The following FRMD4A variants were observed in gnomAD, a reference collection of about 807,000 sequenced individuals.
The protein encoded by FRMD4A is FERM domain containing 4A.
FRMD4A carries 29 observed loss-of-function variants against 129.1 expected under a neutral mutation model. That is an observed-to-expected ratio of 0.22 (90% CI 0.17 to 0.31). FRMD4A has a LOEUF of 0.31. FRMD4A is among the 10% of genes least tolerant of loss of function. The pLI is 1.00. For missense variants in FRMD4A, 1,272 were observed against 1,375.8 expected, an observed-to-expected ratio of 0.92 and a Z score of 1.19; for synonymous variants, 634 against 571.6, an observed-to-expected ratio of 1.11 and a Z score of -1.56.
chr10:13,768,260 G>T (rs995059219), intron 6 of FRMD4A, among the ~76,000 whole-genome samples: 1 of 152,108 alleles, frequency 6.6e-6, no homozygotes, highest in Non-Finnish European at 1.5e-5. Flanking sequence ...CCATCTGAGG[G>T]TCTCCAAGTG....
chr10:14,190,100 C>G (rs74706763), intron 2 of FRMD4A, among the ~76,000 whole-genome samples: 1,727 of 152,258 alleles, frequency 0.011, 32 homozygotes, highest in African/African-American at 0.039. Context: ...TAGACACTAC[C>G]CTTTGACTAA....
chr10:14,162,520 C>G (rs150760588), intron 2 of FRMD4A, among the ~76,000 whole-genome samples: 1 of 151,996 alleles, frequency 6.6e-6, no homozygotes, highest in Non-Finnish European at 1.5e-5. Flanking sequence ...AGGAGGAACA[C>G]GGGGTCTGAT....
chr10:13,787,550 T>A (rs528842080), intron 5 of FRMD4A, among the ~76,000 whole-genome samples: 2 of 152,258 alleles, frequency 1.3e-5, no homozygotes, highest in South Asian at 4.1e-4. Flanking sequence ...AGCCTCGACC[T>A]CCTGGGATCA....
At chr10:13,928,278 T>C (rs1044563408) in intron 2 of FRMD4A, among the ~76,000 whole-genome samples, 1 of 152,106 alleles carries the variant, frequency 6.6e-6, no homozygotes, top group African/African-American at 2.4e-5. Context: ...CACCTCGGTC[T>C]CCCAAAGTGC....
chr10:13,948,063 A>C (rs1001141574), intron 2 of FRMD4A, among the ~76,000 whole-genome samples: 3 of 152,094 alleles, frequency 2.0e-5, no homozygotes, highest in African/African-American at 7.2e-5. Context: ...TGAAAAAAAA[A>C]AAAACACCTT....
At chr10:13,765,694 C>T (rs1051241707) in intron 6 of FRMD4A, among the ~76,000 whole-genome samples, 41 of 152,164 alleles carry the variant, frequency 2.7e-4, no homozygotes, top group Non-Finnish European at 1.0e-4. Flanking sequence ...TTGATAGAGG[C>T]TGTCGGTGCT....
At chr10:14,121,426 T>C (rs1838509656) in intron 2 of FRMD4A, among the ~76,000 whole-genome samples, 1 of 152,152 alleles carries the variant, frequency 6.6e-6, no homozygotes, top group African/African-American at 2.4e-5. Context: ...TCTGATTCAG[T>C]GGGCCCAAAA....
intron 2 of FRMD4A, among the ~76,000 whole-genome samples, chr10:13,954,268 T>C (rs939481275): frequency 2.0e-5 from 3 of 152,172 alleles, no homozygotes; most frequent in African/African-American, 4.8e-5. Flanking sequence ...GACTGAGTAA[T>C]TTATAAAGAA....
chr10:14,127,621 C>T (rs940967671), intron 2 of FRMD4A, among the ~76,000 whole-genome samples: 1 of 152,182 alleles, frequency 6.6e-6, no homozygotes, highest in Non-Finnish European at 1.5e-5. Context: ...TGCCTGTGCC[C>T]GTAAGACCCT....
At position 13,682,888 on chromosome 10, in the gene FRMD4A, T is replaced by G. The variant is rs117614650; in HGVS notation, c.1118-7844A>C. ...ACTCTGCTATTCTGTCTTCTGCCTC[T>G]TGCATAAAAACTCAACACGGGTAGG... On this transcript the variant is annotated intron_variant, in intron 15 of 24. Transcript: ENST00000357447. Among the ~76,000 whole-genome samples the G allele has an allele frequency of 7.0e-3, 1,069 of 152,274 alleles. 5 individuals are homozygous for G. Among genetic ancestry groups the G allele is most frequent in the Non-Finnish European group, 0.011 (746 of 68,006 alleles).
chr10:13,788,783 G>C (rs545014991), intron 5 of FRMD4A, among the ~76,000 whole-genome samples: 77 of 152,192 alleles, frequency 5.1e-4, no homozygotes, highest in Middle Eastern at 3.4e-3. Flanking sequence ...TTATGTGTTT[G>C]AGCTTATTAA....
intron 2 of FRMD4A, among the ~76,000 whole-genome samples, chr10:14,084,212 T>C (rs1836111073): frequency 6.6e-6 from 1 of 152,182 alleles, no homozygotes; most frequent in Non-Finnish European, 1.5e-5. Flanking sequence ...AGTGGCATGA[T>C]CTTGGCTCAC....
intron 2 of FRMD4A, among the ~76,000 whole-genome samples, chr10:14,022,797 T>C (rs910322854): frequency 4.6e-5 from 7 of 151,946 alleles, no homozygotes; most frequent in Non-Finnish European, 8.8e-5. Context: ...CAAGGTGGAG[T>C]GCATCTTGGA....
intron 3 of FRMD4A, among the ~76,000 whole-genome samples, chr10:13,846,302 A>G (rs1023607115): frequency 6.6e-6 from 1 of 152,318 alleles, no homozygotes; most frequent in Middle Eastern, 3.4e-3. Flanking sequence ...CAACTAATAC[A>G]TTGAACTTTT....
intron 6 of FRMD4A, among the ~76,000 whole-genome samples, chr10:13,766,361 ATC>A (rs1420144320): frequency 1.3e-5 from 2 of 152,216 alleles, no homozygotes; most frequent in Non-Finnish European, 2.9e-5. Flanking sequence ...GACCTTGACT[ATC>A]TATCTCCCAG....
At chr10:14,284,656 C>G (rs1022201589) in intron 2 of FRMD4A, among the ~76,000 whole-genome samples, 1 of 152,054 alleles carries the variant, frequency 6.6e-6, no homozygotes, top group Non-Finnish European at 1.5e-5. Context: ...CCGTCTCAAA[C>G]AAACAAACAA....
intron 2 of FRMD4A, among the ~76,000 whole-genome samples, chr10:13,996,508 T>G (rs1236264370): frequency 6.6e-6 from 1 of 152,220 alleles, no homozygotes; most frequent in Non-Finnish European, 1.5e-5. Context: ...AGGGCTCCTG[T>G]ACCACTTGTC....
chr10:14,149,375 T>C (rs1413356467), intron 2 of FRMD4A, among the ~76,000 whole-genome samples: 8 of 152,210 alleles, frequency 5.3e-5, no homozygotes, highest in Admixed American at 5.2e-4. Context: ...GGTCCCACCT[T>C]GTCACCCAGG....
At chr10:13,955,352 C>T (rs2095404164) in intron 2 of FRMD4A, among the ~76,000 whole-genome samples, 1 of 152,104 alleles carries the variant, frequency 6.6e-6, no homozygotes, top group African/African-American at 2.4e-5. Context: ...AAGTGTTCTC[C>T]CTGCCTCAGC....
Sources: gnomAD v4.1 joint callset for allele counts (sites outside exome capture counted in the v4.1 genomes callset) on GRCh38, gnomAD v4.1.1 for gene constraint, MANE v1.5 for transcripts, NCBI Gene and HGNC (gene_info 2026-07-23, HGNC 2026-07-21) for gene names.